Variants in SLC6A17 observed in about 807,000 individuals in gnomAD.
SLC6A17 encodes solute carrier family 6 member 17.
In SLC6A17, 21 loss-of-function variants were observed where a neutral mutation model predicts 64.5. The observed-to-expected ratio is 0.33, with a 90% confidence interval of 0.23 to 0.47. The LOEUF (loss-of-function observed/expected upper bound fraction) is 0.47, where lower values mean the gene tolerates loss of function less well. Among genes scored for constraint, SLC6A17 ranks in the 20% least tolerant of loss-of-function variants. The pLI, the probability that SLC6A17 is intolerant of heterozygous loss-of-function variation, is 1.00. For missense variants in SLC6A17, 682 were observed against 963.2 expected (o/e 0.71, Z 3.86); for synonymous variants, 372 against 399.5 (o/e 0.93, Z 0.82).
In SLC6A17 at chr1:110,174,960, G is replaced by A; in HGVS notation, c.753G>A (p.Lys251=). Residue 251 remains lysine (K), a splice_region_variant and synonymous_variant, in exon 5 of 12, where the codon AAG becomes AAA. Transcript: ENST00000331565. The stretch of plus-strand genomic sequence containing the variant: ...TTAAGGGCATCCAGTCCTCGGGGAA[G>A]GTGAGTGCTGAGGGGGGCACCCAGG... ...AVVKGIQSSG[K]VMYFSSLFPY... The A allele has an allele frequency of 6.2e-7, 1 of 1,613,044 alleles. No homozygotes were observed. The highest frequency in any genetic ancestry group is 8.5e-7 in the Non-Finnish European group (1 of 1,179,296).
chr1:110,178,605 A>G (rs1656433830), intron 6 of SLC6A17: 1 of 153,518 alleles, frequency 6.5e-6, no homozygotes, highest in African/African-American at 2.4e-5. Flanking sequence ...TAATTTATAA[A>G]CAATTGAAAT....
chr1:110,185,607 A>T (rs1261298496), intron 6 of SLC6A17, among the ~76,000 whole-genome samples: 1 of 152,102 alleles, frequency 6.6e-6, no homozygotes, highest in African/African-American at 2.4e-5. Flanking sequence ...TAGAGCAGAC[A>T]CCCCGAGGAG....
intron 1 of SLC6A17, among the ~76,000 whole-genome samples, chr1:110,159,833 A>C (rs1655860791): frequency 6.6e-6 from 1 of 152,176 alleles, no homozygotes; most frequent in Non-Finnish European, 1.5e-5. Context: ...AGTTGGAAAA[A>C]CACATCGGAC....
At chr1:110,195,512 G>A (rs1656937734) in intron 9 of SLC6A17, 74 bp from the exon 10 acceptor site, 6 of 1,565,386 alleles carry the variant, frequency 3.8e-6, no homozygotes, top group African/African-American at 2.7e-5. Flanking sequence ...GAGGGGCCTG[G>A]GTGCCCCCGA....
intron 10 of SLC6A17, among the ~76,000 whole-genome samples, chr1:110,197,084 T>C (rs1656989056): frequency 6.6e-6 from 1 of 152,236 alleles, no homozygotes; most frequent in African/African-American, 2.4e-5. Context: ...CTACTGCTTT[T>C]CCAGCAGGGG....
chr1:110,181,024 T>A (rs1656509065), intron 6 of SLC6A17, among the ~76,000 whole-genome samples: 1 of 152,172 alleles, frequency 6.6e-6, no homozygotes, highest in South Asian at 2.1e-4. Flanking sequence ...ATGAATGCGA[T>A]GTGGCCAAGC....
At position 110,167,149 on chromosome 1, in the gene SLC6A17, A is replaced by G. The variant is rs761873403; in HGVS notation, c.220A>G (p.Ile74Val). 1.4e-5 allele frequency: 23 copies of G among 1,613,544 alleles called. No homozygotes were observed. The Middle Eastern group carries it at 6.6e-4, about 46-fold the overall frequency. The change falls in exon 2 of 12, where the codon ATT (isoleucine) becomes GTT (valine). Residue 74 changes from isoleucine to valine, a missense_variant. Transcript: ENST00000331565. ...TAAGCTGCAGTACATCCTGGCCCAG[A>G]TTGGCTTCTCTGTGGGCCTCGGCAA... Reference protein sequence around the residue: ...NSKLQYILAQIGFSVGLGNIW... With the variant: ...NSKLQYILAQVGFSVGLGNIW...
At position 110,195,699 on chromosome 1, in the gene SLC6A17, G is replaced by A. The variant is rs776570411; in HGVS notation, c.1606G>A (p.Val536Ile). 21 of 1,614,092 alleles carry A rather than the reference G, an allele frequency of 1.3e-5. No homozygotes were observed. The highest frequency in any genetic ancestry group is 4.4e-5 in the South Asian group (4 of 91,090). Residue 536 changes from valine to isoleucine, a missense_variant, in exon 10 of 12, where the codon GTC (valine) becomes ATC (isoleucine). By Grantham distance (29) the Val-to-Ile change is conservative. This residue lies in a region of SLC6A17 where 264 missense variants were observed against 339.5 expected (regional missense o/e 0.78). Transcript: ENST00000331565. The part of the protein sequence containing the change: ...YSATLPLTLI[V>I]ILENIAVAWI... Reference sequence around the variant, plus strand: ...GGCCACCCTGCCACTCACTCTCATCGTCATCCTTGAGAACATCGCTGTGGC... The same window carrying A: ...GGCCACCCTGCCACTCACTCTCATCATCATCCTTGAGAACATCGCTGTGGC...
chr1:110,172,361 C>G, intron 3 of SLC6A17, 144 bp downstream of exon 3: 1 of 1,091,514 alleles, frequency 9.2e-7, no homozygotes, highest in Non-Finnish European at 1.3e-6. Context: ...GAATTACTCA[C>G]AGCTGGGGTT....
intron 6 of SLC6A17, among the ~76,000 whole-genome samples, chr1:110,188,163 T>G (rs1399108795): frequency 6.6e-6 from 1 of 152,232 alleles, no homozygotes; most frequent in Non-Finnish European, 1.5e-5. Context: ...GATATGTAAT[T>G]AAGTAGCATA....
chr1:110,160,737 A>G (rs765861329), intron 1 of SLC6A17, among the ~76,000 whole-genome samples: 1 of 152,206 alleles, frequency 6.6e-6, no homozygotes, highest in Non-Finnish European at 1.5e-5. Flanking sequence ...TGGTTAGTCT[A>G]GAGTGAGTGG....
At chr1:110,153,502 C>A (rs1020895947) in intron 1 of SLC6A17, among the ~76,000 whole-genome samples, 1 of 102,256 alleles carries the variant, frequency 9.8e-6, no homozygotes, top group Non-Finnish European at 2.3e-5. Context: ...TCAGGGGACT[C>A]CAATCTGCTA....
rs1449022753 is a variant in SLC6A17 at position 110,167,066 on chromosome 1, G to A, written c.137G>A (p.Gly46Asp). The A allele has an allele frequency of 6.2e-7, 1 of 1,609,992 alleles. No homozygotes were observed. The change falls in exon 2 of 12, where the codon GGC becomes GAC. Residue 46 changes from glycine to aspartate, a missense_variant. Coordinates refer to ENST00000331565, the MANE Select transcript of SLC6A17 (RefSeq NM_001010898.4). ...CTGAATGTGGCTGGTGAGGCAGGCGGCAAGCAGAAGGCGGTGGAGGAGGAG... is the reference window on the plus strand; with the variant it reads ...CTGAATGTGGCTGGTGAGGCAGGCGACAAGCAGAAGGCGGTGGAGGAGGAG... ...SVLNVAGEAG[G>D]KQKAVEEELD...
intron 6 of SLC6A17, among the ~76,000 whole-genome samples, chr1:110,179,525 CT>C (rs1656460243): frequency 1.3e-5 from 1 of 76,482 alleles, no homozygotes; most frequent in South Asian, 7.4e-4. Flanking sequence ...TTCCCTTCCC[CT>C]TCCCCTCCCC....
Position 110,198,240 on chromosome 1 carries a change from G to T in SLC6A17, c.1980G>T (p.Met660Ile). ...CCGTGTCCTACAAGAAGGGCCGCAT[G>T]ATGAAGGACATCTCCAACCTGGAGG... ...TLSVSYKKGRMMKDISNLEEN... is the reference protein window; with the variant it reads ...TLSVSYKKGRIMKDISNLEEN... The change falls in exon 12 of 12, where the codon ATG (methionine) becomes ATT (isoleucine). Residue 660 changes from methionine to isoleucine, a missense_variant. By Grantham distance (10) the Met-to-Ile change is conservative. This residue lies in a region of SLC6A17 where 264 missense variants were observed against 339.5 expected (regional missense o/e 0.78). Transcript: ENST00000331565. The T allele has an allele frequency of 6.2e-7, 1 of 1,614,210 alleles. No homozygotes were observed. Among genetic ancestry groups the T allele is most frequent in the Non-Finnish European group, 8.5e-7 (1 of 1,180,038 alleles).
At chr1:110,153,181 C>T (rs1655652929) in intron 1 of SLC6A17, among the ~76,000 whole-genome samples, 2 of 152,106 alleles carry the variant, frequency 1.3e-5, no homozygotes, top group Admixed American at 1.3e-4. Flanking sequence ...TAGCCTGGTC[C>T]CAAGCTGCAG....
In SLC6A17 at chr1:110,198,603, C is replaced by T. The variant is rs1657036317; in HGVS notation, c.*159C>T. The T allele has an allele frequency of 8.0e-7, 1 of 1,255,552 alleles. No homozygotes were observed. The highest frequency in any genetic ancestry group is 1.1e-6 in the Non-Finnish European group (1 of 922,814). 77.8% of individuals were successfully genotyped at this position (1,255,552 alleles called of 1,614,324 possible). A position where few individuals can be genotyped will look rare whatever the true frequency, so the allele number is the denominator to read the frequency against. On this transcript the variant is annotated 3_prime_UTR_variant, in exon 12 of 12. Transcript: ENST00000331565. ...CACTCCCCTCTTCAGTCCCAGTAGA[C>T]TCTGCTCCCTAGCCCTGAGCAGGAG...
chr1:110,157,750 C>T (rs1655795385), intron 1 of SLC6A17, among the ~76,000 whole-genome samples: 1 of 152,152 alleles, frequency 6.6e-6, no homozygotes, highest in Admixed American at 6.5e-5. Context: ...TAGCCCAGCA[C>T]CTCCCACTCT....
chr1:110,198,136 G>T lies in SLC6A17; in HGVS notation c.1876G>T (p.Val626Phe), dbSNP rs201626646. The part of the protein sequence containing the change: ...WAMALLITLI[V>F]VATLPIPVVF... ...CATGGCACTCCTGATCACCCTCATC[G>T]TCGTGGCGACGCTGCCCATCCCTGT... Residue 626 changes from valine (V) to phenylalanine (F), a missense_variant, in exon 12 of 12, where the codon GTC becomes TTC. Transcript: ENST00000331565. The T allele has an allele frequency of 3.1e-6, 5 of 1,614,028 alleles. No homozygotes were observed. In the South Asian group the frequency reaches 5.5e-5, roughly 18 times the overall value.
Sources: allele counts gnomAD v4.1 joint callset (sites outside exome capture counted in the v4.1 genomes callset), GRCh38; gene constraint gnomAD v4.1.1; regional missense constraint gnomAD v4.1.1; transcripts MANE v1.5; gene names NCBI Gene and HGNC (gene_info 2026-07-23, HGNC 2026-07-21).